Variants in PPFIA2 observed in about 807,000 individuals in gnomAD.
The protein encoded by PPFIA2 is liprin-alpha-2.
PPFIA2 carries 46 observed loss-of-function variants against 175.5 expected under a neutral mutation model. The ratio of observed to expected loss-of-function variants is 0.26; its 90% CI spans 0.21 to 0.34. The LOEUF (loss-of-function observed/expected upper bound fraction) is 0.34. Ranked by LOEUF, PPFIA2 falls within the 10% of genes least tolerant of loss-of-function variation. The pLI, the probability that PPFIA2 is intolerant of heterozygous loss-of-function variation, is 1.00. For missense variants in PPFIA2, 1,179 were observed against 1,506.1 expected (o/e 0.78, Z 3.60); for synonymous variants, 568 against 511.4 (o/e 1.11, Z -1.49).
intron 4 of PPFIA2, among the ~76,000 whole-genome samples, chr12:81,559,913 C>G (rs973274529): frequency 1.8e-4 from 27 of 152,000 alleles, no homozygotes; most frequent in African/African-American, 6.5e-4. Context: ...TCAGTGGACT[C>G]CTTTGGCCAA....
At position 81,688,579 on chromosome 12, in the gene PPFIA2, T is replaced by C. The variant is rs550108798; in HGVS notation, c.250-11735A>G. Among the ~76,000 whole-genome samples, 223 of 151,112 alleles carry C rather than the reference T, an allele frequency of 1.5e-3. No individual in the cohort carries two copies. The Middle Eastern group carries it at 0.017, about 12-fold the overall frequency. Reference sequence around the variant, plus strand: ...CAGGTTTTATTTTCAACTCAGTAAATAGTAGCCTAAAATACTGGCTTAAAA... The same window carrying C: ...CAGGTTTTATTTTCAACTCAGTAAACAGTAGCCTAAAATACTGGCTTAAAA... On this transcript the variant is annotated intron_variant, in intron 3 of 32. Transcript: ENST00000549396.
chr12:81,621,032 T>A (rs2061991362), intron 4 of PPFIA2, among the ~76,000 whole-genome samples: 1 of 152,148 alleles, frequency 6.6e-6, no homozygotes, highest in African/African-American at 2.4e-5. Context: ...TATCTTGCAA[T>A]AGAATAAATA....
intron 4 of PPFIA2, among the ~76,000 whole-genome samples, chr12:81,598,731 T>C (rs937412718): frequency 6.6e-6 from 1 of 151,930 alleles, no homozygotes; most frequent in Admixed American, 6.6e-5. Context: ...GGCAATTGCA[T>C]ACAATTCAGT....
At chr12:81,744,220 T>A (rs1007066868) in intron 3 of PPFIA2, among the ~76,000 whole-genome samples, 2 of 152,148 alleles carry the variant, frequency 1.3e-5, no homozygotes, top group East Asian at 3.8e-4. Context: ...GCTGATAAAA[T>A]GGATCTTATA....
At chr12:81,509,900 G>A (rs997063236) in intron 4 of PPFIA2, among the ~76,000 whole-genome samples, 7 of 152,060 alleles carry the variant, frequency 4.6e-5, no homozygotes, top group Non-Finnish European at 7.4e-5. Context: ...GTTTTTGAAA[G>A]TTCAGAACCA....
chr12:81,753,683 G>A (rs1411831794), intron 3 of PPFIA2, among the ~76,000 whole-genome samples: 1 of 152,108 alleles, frequency 6.6e-6, no homozygotes, highest in Non-Finnish European at 1.5e-5. Context: ...GTCATTAAAA[G>A]CTGATCCACA....
chr12:81,711,778 T>G (rs2077959933), intron 3 of PPFIA2, among the ~76,000 whole-genome samples: 1 of 150,364 alleles, frequency 6.7e-6, no homozygotes, highest in South Asian at 2.1e-4. Context: ...GGGCTATACT[T>G]ACATTTTTTT....
At chr12:81,609,034 T>C (rs943004506) in intron 4 of PPFIA2, among the ~76,000 whole-genome samples, 32 of 152,088 alleles carry the variant, frequency 2.1e-4, no homozygotes, top group African/African-American at 7.7e-4. Flanking sequence ...TATTTTAATG[T>C]TCACCCAGGG....
chr12:81,627,127 G>A (rs1376008665), intron 4 of PPFIA2, among the ~76,000 whole-genome samples: 1 of 151,980 alleles, frequency 6.6e-6, no homozygotes, highest in East Asian at 1.9e-4. Flanking sequence ...AGGGTAATGG[G>A]ATGGGGAGGG....
chr12:81,620,718 A>G (rs911991284), intron 4 of PPFIA2, among the ~76,000 whole-genome samples: 40 of 152,194 alleles, frequency 2.6e-4, no homozygotes, highest in Admixed American at 2.6e-3. Context: ...TCAGCAGAGG[A>G]CAGAATCTGG....
At chr12:81,421,219 T>C (rs751204440) in intron 7 of PPFIA2, among the ~76,000 whole-genome samples, 2 of 152,126 alleles carry the variant, frequency 1.3e-5, no homozygotes, top group Non-Finnish European at 2.9e-5. Flanking sequence ...CATGAAAGCA[T>C]GTAAGAGTAT....
chr12:81,497,770 C>T (rs921697451), intron 4 of PPFIA2, among the ~76,000 whole-genome samples: 4 of 152,068 alleles, frequency 2.6e-5, no homozygotes, highest in Non-Finnish European at 4.4e-5. Flanking sequence ...AACTCCTGAC[C>T]TCAGGTGATC....
intron 21 of PPFIA2, among the ~76,000 whole-genome samples, chr12:81,331,437 G>A (rs1024627288): frequency 2.0e-5 from 3 of 152,152 alleles, no homozygotes; most frequent in African/African-American, 7.2e-5. Context: ...AACAATGCAC[G>A]ACTGTACTTG....
chr12:81,374,589 T>A (rs756844206), intron 11 of PPFIA2, 45 bp downstream of exon 11: 1 of 1,530,968 alleles, frequency 6.5e-7, no homozygotes, highest in Admixed American at 2.2e-5. Context: ...TTACAAGTCC[T>A]TTCTACAAAT....
At chr12:81,614,899 G>C (rs891801788) in intron 4 of PPFIA2, among the ~76,000 whole-genome samples, 2 of 152,032 alleles carry the variant, frequency 1.3e-5, no homozygotes, top group African/African-American at 4.8e-5. Flanking sequence ...TACGCAACTT[G>C]TCTAATATCA....
intron 1 of PPFIA2, 61 bp from the exon 2 acceptor site, chr12:81,758,568 G>T: frequency 2.6e-6 from 1 of 385,466 alleles, no homozygotes; most frequent in Non-Finnish European, 5.3e-6. Context: ...CTCCCGGAAC[G>T]TGCCCCGGCC....
intron 22 of PPFIA2, among the ~76,000 whole-genome samples, chr12:81,303,103 T>C (rs2048270938): frequency 6.6e-6 from 1 of 152,164 alleles, no homozygotes; most frequent in East Asian, 1.9e-4. Context: ...CCTGTCAATG[T>C]ATGTAAAGGG....
At chr12:81,433,921 C>T (rs762652551) in intron 7 of PPFIA2, among the ~76,000 whole-genome samples, 9 of 151,986 alleles carry the variant, frequency 5.9e-5, no homozygotes, top group South Asian at 4.1e-4. Context: ...AATTAATTAG[C>T]CTGTTGGCAA....
At chr12:81,502,031 T>C (rs1036023421) in intron 4 of PPFIA2, among the ~76,000 whole-genome samples, 1 of 152,186 alleles carries the variant, frequency 6.6e-6, no homozygotes, top group South Asian at 2.1e-4. Context: ...TTCTCTGTTT[T>C]CCAGTGGAAC....
Sources: gnomAD v4.1 joint callset for allele counts (sites outside exome capture counted in the v4.1 genomes callset) on GRCh38, gnomAD v4.1.1 for gene constraint, MANE v1.5 for transcripts, NCBI Gene and HGNC (gene_info 2026-07-23, HGNC 2026-07-21) for gene names.